RALYL: variants seen among roughly 807,000 people sequenced by gnomAD.
RALYL encodes the protein RALY RNA binding protein like.
RALYL carries 29 observed loss-of-function variants against 35.1 expected under a neutral mutation model. That is an observed-to-expected ratio of 0.83 (90% CI 0.61 to 1.13). The LOEUF is 1.13. RALYL is among the 50% of genes most tolerant of loss of function. The pLI is 0.00. For synonymous variants in RALYL, 120 were observed against 127.6 expected, an observed-to-expected ratio of 0.94 and a Z score of 0.40; for missense variants, 359 against 360.4, an observed-to-expected ratio of 1.00 and a Z score of 0.03.
intron 1 of RALYL, among the ~76,000 whole-genome samples, chr8:84,505,278 T>C (rs1362033740): frequency 1.3e-5 from 2 of 152,158 alleles, no homozygotes; most frequent in African/African-American, 4.8e-5. Context: ...TGACAAATTT[T>C]TGCCTTAAAA....
chr8:84,624,395 C>A (rs989904092), intron 2 of RALYL, among the ~76,000 whole-genome samples: 2 of 152,130 alleles, frequency 1.3e-5, no homozygotes, highest in Non-Finnish European at 2.9e-5. Flanking sequence ...GGAAAGAATC[C>A]TTTTCCTTGT....
At chr8:84,201,342 C>A (rs1236141580) in intron 1 of RALYL, among the ~76,000 whole-genome samples, 1 of 152,090 alleles carries the variant, frequency 6.6e-6, no homozygotes, top group Non-Finnish European at 1.5e-5. Flanking sequence ...TAATTTCGAT[C>A]CATCATCTAT....
intron 1 of RALYL, among the ~76,000 whole-genome samples, chr8:84,362,044 G>A (rs957238965): frequency 4.6e-5 from 7 of 152,132 alleles, no homozygotes; most frequent in Admixed American, 6.6e-5. Flanking sequence ...TACCTGATAT[G>A]CAGTAGAAAA....
At position 84,737,902 on chromosome 8, in the gene RALYL, A is replaced by G. The variant is rs144312919; in HGVS notation, c.257-36677A>G. On this transcript the variant is annotated intron_variant, in intron 2 of 8. Transcript: ENST00000521268. ...TCATCTGCTGGCACCTTAATCTTGG[A>G]CTTGCCTCCAGAACTGTAAGAAATA... 3.9e-3 allele frequency among the ~76,000 whole-genome samples: 600 copies of G among 152,132 alleles called. 7 individuals are homozygous for G. The highest frequency in any genetic ancestry group is 0.013 in the African/African-American group (550 of 41,534).
At chr8:84,469,456 G>T (rs971100805) in intron 1 of RALYL, among the ~76,000 whole-genome samples, 6 of 152,208 alleles carry the variant, frequency 3.9e-5, no homozygotes, top group Non-Finnish European at 1.5e-5. Flanking sequence ...AGGCTGCTCG[G>T]GTGTCAGGGG....
At chr8:84,686,016 G>T (rs777855444) in intron 2 of RALYL, among the ~76,000 whole-genome samples, 2 of 152,088 alleles carry the variant, frequency 1.3e-5, no homozygotes, top group Admixed American at 6.6e-5. Flanking sequence ...TGTGGATTAG[G>T]GTACATTTTG....
At chr8:84,447,512 T>C (rs1286815562) in intron 1 of RALYL, among the ~76,000 whole-genome samples, 2 of 152,028 alleles carry the variant, frequency 1.3e-5, no homozygotes, top group Non-Finnish European at 2.9e-5. Context: ...ATCCTAGGCC[T>C]GATTTGTTTG....
intron 1 of RALYL, among the ~76,000 whole-genome samples, chr8:84,326,258 C>T (rs977289586): frequency 1.3e-5 from 2 of 152,106 alleles, no homozygotes; most frequent in Non-Finnish European, 2.9e-5. Context: ...ATTTAATGAA[C>T]ATTCCACTTA....
intron 3 of RALYL, among the ~76,000 whole-genome samples, chr8:84,783,366 C>A (rs1586219891): frequency 1.3e-5 from 2 of 152,268 alleles, no homozygotes; most frequent in African/African-American, 4.8e-5. Context: ...CACAGGCAAC[C>A]TAAGAGACTG....
At chr8:84,510,219 C>A (rs531547485) in intron 1 of RALYL, among the ~76,000 whole-genome samples, 1 of 151,932 alleles carries the variant, frequency 6.6e-6, no homozygotes, top group Non-Finnish European at 1.5e-5. Context: ...ATATTTTGTT[C>A]GATTTATACC....
chr8:84,776,178 T>C (rs939458259), intron 3 of RALYL, among the ~76,000 whole-genome samples: 1 of 152,184 alleles, frequency 6.6e-6, no homozygotes, highest in Non-Finnish European at 1.5e-5. Context: ...ACTTTCCTTG[T>C]TTTTGTTCTC....
At chr8:84,691,453 T>G (rs1468429768) in intron 2 of RALYL, among the ~76,000 whole-genome samples, 1 of 152,092 alleles carries the variant, frequency 6.6e-6, no homozygotes, top group African/African-American at 2.4e-5. Context: ...TAGTTTATTT[T>G]CATCATTAAG....
chr8:84,512,812 C>T (rs1028471897), intron 1 of RALYL, among the ~76,000 whole-genome samples: 2 of 152,086 alleles, frequency 1.3e-5, no homozygotes, highest in Non-Finnish European at 2.9e-5. Flanking sequence ...TGTTCTGGCA[C>T]CTTTGTTGAA....
intron 1 of RALYL, among the ~76,000 whole-genome samples, chr8:84,405,455 C>A (rs961851817): frequency 9.9e-5 from 15 of 151,940 alleles, no homozygotes; most frequent in Non-Finnish European, 1.0e-4. Context: ...AATAGATAGA[C>A]CACTAGCCAG....
At chr8:84,481,954 T>C (rs1350441815) in intron 1 of RALYL, among the ~76,000 whole-genome samples, 2 of 152,078 alleles carry the variant, frequency 1.3e-5, no homozygotes, top group Non-Finnish European at 1.5e-5. Flanking sequence ...TATATTTTAA[T>C]GTATGTAAAT....
At chr8:84,568,318 C>T (rs868228533) in intron 2 of RALYL, among the ~76,000 whole-genome samples, 5 of 150,672 alleles carry the variant, frequency 3.3e-5, no homozygotes, top group South Asian at 2.1e-4. Flanking sequence ...TTTGTCCTTG[C>T]GATACTTTGC....
chr8:84,873,736 G>T (rs2135250440), intron 7 of RALYL, among the ~76,000 whole-genome samples: 1 of 152,120 alleles, frequency 6.6e-6, no homozygotes, highest in East Asian at 1.9e-4. Context: ...ATGCTATCAG[G>T]CTAACATAAT....
chr8:84,615,570 C>CTTGTTTTTT (rs1819333463), intron 2 of RALYL, among the ~76,000 whole-genome samples: 1 of 67,364 alleles, frequency 1.5e-5, no homozygotes, highest in African/African-American at 6.5e-5. Context: ...GAACTTTCGT[C>CTTGTTTTTT]TTTTTTTTTT....
chr8:84,920,821 A>T, intron 8 of RALYL, 73 bp from the exon 9 acceptor site: 1 of 540,288 alleles, frequency 1.9e-6, no homozygotes. Context: ...TCTAACTTAC[A>T]TATCAGTATA....
Sources: gnomAD v4.1 joint callset for allele counts (sites outside exome capture counted in the v4.1 genomes callset) on GRCh38, gnomAD v4.1.1 for gene constraint, MANE v1.5 for transcripts, NCBI Gene and HGNC (gene_info 2026-07-23, HGNC 2026-07-21) for gene names.